The following FUT8 variants were observed in gnomAD, a reference collection of about 807,000 sequenced individuals.
FUT8 encodes the protein alpha-(1,6)-fucosyltransferase.
FUT8 carries 29 observed loss-of-function variants against 71.3 expected under a neutral mutation model. The ratio of observed to expected loss-of-function variants is 0.41; its 90% CI spans 0.30 to 0.55. The LOEUF (loss-of-function observed/expected upper bound fraction) is 0.55, where lower values mean the gene tolerates loss of function less well. Among genes scored for constraint, FUT8 ranks in the 20% least tolerant of loss-of-function variants. The pLI, the probability that FUT8 is intolerant of heterozygous loss-of-function variation, is 0.34. For synonymous variants in FUT8, 254 were observed against 239.3 expected, an observed-to-expected ratio of 1.06 and a Z score of -0.57; for missense variants, 544 against 702.1, an observed-to-expected ratio of 0.77 and a Z score of 2.55.
the FUT8 span, among the ~76,000 whole-genome samples, chr14:65,368,397 A>G: frequency 9.4e-5 from 10 of 106,790 alleles, no homozygotes; most frequent in Non-Finnish European, 2.0e-4. Context: ...CTGGAGTGCA[A>G]TGGTATGATC....
At chr14:65,597,399 C>T (rs969319533) in intron 3 of FUT8, among the ~76,000 whole-genome samples, 6 of 152,098 alleles carry the variant, frequency 3.9e-5, no homozygotes, top group Admixed American at 6.5e-5. Context: ...GAGGCCGAGG[C>T]GGGTGGATCA....
In FUT8 at chr14:65,669,146, A is replaced by G. The variant is rs768857265; in HGVS notation, c.598-97A>G. ...CAATTTATCTATAGAACAAACCTGC[A>G]TGTGTACCCCTGAAGATGAAAGATT... is the stretch of plus-strand genomic sequence containing the variant. On this transcript the variant is annotated intron_variant, in intron 6 of 10. Coordinates refer to ENST00000673929, the MANE Select transcript of FUT8 (RefSeq NM_001371533.1). The surrounding 1 kb of genome is among the most constrained non-coding windows in gnomAD (Gnocchi z 4.5). The G allele has an allele frequency of 1.4e-5, 12 of 846,886 alleles. No individual in the cohort carries two copies. Among genetic ancestry groups the G allele is most frequent in the African/African-American group, 6.9e-5 (4 of 58,196 alleles). The allele number at this position is 846,886 out of a possible 1,614,324, so 52.5% of individuals were successfully genotyped here.
intron 7 of FUT8, among the ~76,000 whole-genome samples, chr14:65,674,238 A>G (rs1892606944): frequency 6.6e-6 from 1 of 152,150 alleles, no homozygotes; most frequent in African/African-American, 2.4e-5. Flanking sequence ...TTGATCCCTT[A>G]TGCTGCAAAA....
At chr14:65,588,813 T>C (rs995961445) in intron 3 of FUT8, among the ~76,000 whole-genome samples, 22 of 152,230 alleles carry the variant, frequency 1.4e-4, no homozygotes, top group African/African-American at 5.3e-4. Context: ...CTTGTTAATC[T>C]CTTAGCTGTG....
At position 65,521,967 on chromosome 14, in the gene FUT8, G is replaced by C. The variant is rs1883109171; in HGVS notation, c.-227-39370G>C. On this transcript the variant is annotated intron_variant, in intron 2 of 10. Coordinates refer to ENST00000673929, the MANE Select transcript of FUT8 (RefSeq NM_001371533.1). Reference sequence around the variant, plus strand: ...CTCTTTTGGATGTTATGCATGAGAAGACATGTCATTAAATAGAATGACTTC... The same window carrying C: ...CTCTTTTGGATGTTATGCATGAGAACACATGTCATTAAATAGAATGACTTC... Among the ~76,000 whole-genome samples, 7 of 152,002 alleles carry C rather than the reference G, an allele frequency of 4.6e-5. No individual in the cohort carries two copies. The South Asian group carries it at 1.5e-3, about 32-fold the overall frequency.
chr14:65,568,827 A>C (rs549946602), intron 3 of FUT8, among the ~76,000 whole-genome samples: 1 of 151,604 alleles, frequency 6.6e-6, no homozygotes, highest in African/African-American at 2.4e-5. Context: ...ATAATTGGCC[A>C]CATATTTTTT....
At chr14:65,707,978 G>T (rs951955861) in intron 7 of FUT8, among the ~76,000 whole-genome samples, 22 of 152,104 alleles carry the variant, frequency 1.4e-4, no homozygotes, top group African/African-American at 5.3e-4. Flanking sequence ...CATATGTTAG[G>T]ATTGTTTTTT....
chr14:65,496,413 C>G (rs377032300), intron 2 of FUT8, among the ~76,000 whole-genome samples: 1 of 152,114 alleles, frequency 6.6e-6, no homozygotes, highest in African/African-American at 2.4e-5. Flanking sequence ...GACTTTGTCT[C>G]CTCACCCAAA....
chr14:65,495,202 A>G (rs560868839), intron 2 of FUT8, among the ~76,000 whole-genome samples: 4 of 150,764 alleles, frequency 2.7e-5, no homozygotes, highest in Admixed American at 6.6e-5. Flanking sequence ...AAAAAAACCC[A>G]GTAAATTAAA....
At chr14:65,486,916 C>G (rs138119434) in intron 2 of FUT8, among the ~76,000 whole-genome samples, 386 of 152,198 alleles carry the variant, frequency 2.5e-3, no homozygotes, top group Admixed American at 3.9e-3. Context: ...GCATATTTCC[C>G]TAGTGATTAT....
chr14:65,532,547 A>G (rs1884022772), intron 2 of FUT8, among the ~76,000 whole-genome samples: 1 of 152,156 alleles, frequency 6.6e-6, no homozygotes, highest in Non-Finnish European at 1.5e-5. Flanking sequence ...TGTCAGATTC[A>G]TAGACCTTTA....
intron 3 of FUT8, among the ~76,000 whole-genome samples, chr14:65,566,399 A>T (rs1886196732): frequency 6.6e-6 from 1 of 151,988 alleles, no homozygotes; most frequent in Non-Finnish European, 1.5e-5. Flanking sequence ...GTGTAACCGC[A>T]TTTAACCTAC....
At chr14:65,610,324 A>G (rs867854076) in intron 3 of FUT8, among the ~76,000 whole-genome samples, 1 of 151,416 alleles carries the variant, frequency 6.6e-6, no homozygotes, top group Non-Finnish European at 1.5e-5. Flanking sequence ...TGGTGTTAGC[A>G]GTAAGTTTTT....
intron 2 of FUT8, chr14:65,529,288 G>C (rs1385553284): frequency 2.0e-5 from 3 of 151,976 alleles, no homozygotes; most frequent in Admixed American, 1.3e-4. Flanking sequence ...CTGGAGTGCA[G>C]TGGCACAATT....
chr14:65,431,929 A>G (rs575601981), intron 1 of FUT8, among the ~76,000 whole-genome samples: 173 of 152,134 alleles, frequency 1.1e-3, no homozygotes, highest in African/African-American at 3.8e-3. Flanking sequence ...TATTATTATT[A>G]TTTTTAAATA....
At position 65,669,182 on chromosome 14, in the gene FUT8, AAG is replaced by A. The variant is rs1892359332; in HGVS notation, c.598-58_598-57del. The A allele has an allele frequency of 2.4e-6, 3 of 1,252,770 alleles. No individual in the cohort carries two copies. The highest frequency in any genetic ancestry group is 4.7e-5 in the East Asian group (2 of 42,620). The allele number at this position is 1,252,770 out of a possible 1,614,324, so 77.6% of individuals were successfully genotyped here. On this transcript the variant is annotated intron_variant, in intron 6 of 10. Transcript: ENST00000673929. The surrounding 1 kb of genome is among the most constrained non-coding windows in gnomAD (Gnocchi z 4.5). ...TGAAGATGAAAGATTAAAAAAAAAA[AAG>A]AGCAGTTGACCTCTCTGTACAACTT...
intron 2 of FUT8, among the ~76,000 whole-genome samples, chr14:65,527,357 A>G (rs1179650641): frequency 1.3e-5 from 2 of 152,182 alleles, no homozygotes; most frequent in African/African-American, 4.8e-5. Flanking sequence ...TGATTGAATC[A>G]GCTACTGAAG....
intron 3 of FUT8, among the ~76,000 whole-genome samples, chr14:65,586,954 C>T (rs966238085): frequency 6.6e-6 from 1 of 151,968 alleles, no homozygotes; most frequent in Non-Finnish European, 1.5e-5. Context: ...TTTGGGAGGC[C>T]GAGGCGGGTG....
At chr14:65,554,980 C>T (rs1478665310) in intron 2 of FUT8, among the ~76,000 whole-genome samples, 1 of 151,976 alleles carries the variant, frequency 6.6e-6, no homozygotes, top group South Asian at 2.1e-4. Context: ...TGTTTTTAAG[C>T]TTTGTTAGGG....
Sources: gnomAD v4.1 joint callset for allele counts (sites outside exome capture counted in the v4.1 genomes callset) on GRCh38, gnomAD v4.1.1 for gene constraint, Gnocchi (gnomAD v3.1) non-coding constraint, MANE v1.5 for transcripts, NCBI Gene and HGNC (gene_info 2026-07-23, HGNC 2026-07-21) for gene names.